Variants in SECTM1 observed in about 807,000 individuals in gnomAD.
SECTM1 encodes secreted and transmembrane 1.
A neutral mutation model predicts 18.1 loss-of-function variants in SECTM1; 10 were observed. That is an observed-to-expected ratio of 0.55 (90% CI 0.34 to 0.94). The LOEUF (loss-of-function observed/expected upper bound fraction) is 0.94, where lower values mean the gene tolerates loss of function less well. SECTM1 is among the 40% of genes least tolerant of loss of function. The pLI is 0.02. For synonymous variants in SECTM1, 137 were observed against 139.2 expected, an observed-to-expected ratio of 0.98 and a Z score of 0.11; for missense variants, 297 against 322.6, an observed-to-expected ratio of 0.92 and a Z score of 0.61.
intron 1 of SECTM1, among the ~76,000 whole-genome samples, chr17:82,332,633 A>G (rs111842471): frequency 2.6e-3 from 388 of 152,004 alleles, no homozygotes; most frequent in African/African-American, 8.4e-3. Context: ...GAGGCCATGG[A>G]CCCCACCCAG....
At position 82,322,277 on chromosome 17, in the gene SECTM1, T is replaced by C; in HGVS notation, c.631A>G (p.Thr211Ala). 1.2e-6 allele frequency: 2 copies of C among 1,610,568 alleles called. No homozygotes were observed. The highest frequency in any genetic ancestry group is 2.2e-5 in the South Asian group (2 of 90,892). The part of the protein sequence containing the change: ...GLSRASAELW[T>A]PDSEPTPRPL... ...CTTGGGGTGGGCTCGGAGTCTGGGG[T>C]CCACAGTTCAGCGGAGGCTCTGCTC... Residue 211 changes from threonine to alanine, a missense_variant, in exon 5 of 5, where the codon ACC becomes GCC. Physicochemically the swap from Thr to Ala is moderately conservative, Grantham distance 58. Coordinates refer to ENST00000269389, the MANE Select transcript of SECTM1 (RefSeq NM_003004.3).
At chr17:82,323,856 CCT>C (rs2052120605) in intron 3 of SECTM1, among the ~76,000 whole-genome samples, 2 of 149,994 alleles carry the variant, frequency 1.3e-5, no homozygotes, top group Admixed American at 1.3e-4. Context: ...GCGAGCATCC[CCT>C]GAGGGCAGGA....
chr17:82,332,223 C>T (rs1365112800), intron 1 of SECTM1, among the ~76,000 whole-genome samples: 2 of 152,238 alleles, frequency 1.3e-5, no homozygotes, highest in Non-Finnish European at 2.9e-5. Flanking sequence ...ACCACGAACA[C>T]AGGGGTCGGT....
At chr17:82,327,108 C>T (rs1335020472) in intron 2 of SECTM1, 39 bp downstream of exon 2, 2 of 1,527,218 alleles carry the variant, frequency 1.3e-6, no homozygotes, top group Non-Finnish European at 1.8e-6. Flanking sequence ...CCACCGGGCC[C>T]CCCTTTCCCC....
chr17:82,331,712 G>A (rs572941991), intron 1 of SECTM1, among the ~76,000 whole-genome samples: 1 of 152,368 alleles, frequency 6.6e-6, no homozygotes, highest in African/African-American at 2.4e-5. Flanking sequence ...TCAGAGAGAG[G>A]GCAGGCGGCA....
At position 82,328,802 on chromosome 17, in the gene SECTM1, G is replaced by C. The variant is rs1057422843; in HGVS notation, c.-52-1510C>G. Among the ~76,000 whole-genome samples, 4 of 152,112 alleles carry C rather than the reference G, an allele frequency of 2.6e-5. No individual in the cohort carries two copies. Among genetic ancestry groups the C allele is most frequent in the African/African-American group, 9.7e-5 (4 of 41,438 alleles). On this transcript the variant is annotated intron_variant, in intron 1 of 4. Coordinates refer to ENST00000269389, the MANE Select transcript of SECTM1 (RefSeq NM_003004.3). The surrounding 1 kb of genome is among the most constrained non-coding windows in gnomAD (Gnocchi z 5.8). ...TCGAAGGCGGCTGGGGCAAGGGTTC[G>C]TGGCCAGGCTGCCCTGCCTCTCGGG...
chr17:82,321,549 G>T lies in SECTM1; in HGVS notation c.*612C>A. 6.5e-6 allele frequency: 1 copy of T among 153,430 alleles called. No individual in the cohort carries two copies. Among genetic ancestry groups the T allele is most frequent in the South Asian group, 1.8e-4 (1 of 5,470 alleles). The allele number at this position is 153,430 out of a possible 1,614,324, so 9.5% of individuals were successfully genotyped here. A position where few individuals can be genotyped will look rare whatever the true frequency, so the allele number is the denominator to read the frequency against. On this transcript the variant is annotated 3_prime_UTR_variant, in exon 5 of 5. Coordinates refer to ENST00000269389, the MANE Select transcript of SECTM1 (RefSeq NM_003004.3). ...GAGGGATGCGCGTCCAGCCCCGGAG[G>T]GCGGCGTCCACCTGACCCCCCAGCC...
Position 82,328,006 on chromosome 17 carries a change from T to TC in SECTM1, c.-52-715dup, listed in dbSNP as rs1389394698. 7.8e-6 allele frequency: 1 copy of TC among 128,738 alleles called. No homozygotes were observed. The highest frequency in any genetic ancestry group is 7.7e-5 in the Admixed American group (1 of 12,930). 8.0% of individuals were successfully genotyped at this position (128,738 alleles called of 1,614,324 possible). A position where few individuals can be genotyped will look rare whatever the true frequency, so the allele number is the denominator to read the frequency against. On this transcript the variant is annotated intron_variant, in intron 1 of 4. Transcript: ENST00000269389. The surrounding 1 kb of genome is among the most constrained non-coding windows in gnomAD (Gnocchi z 5.8). ...CCTGTCCATCAGCCTCCCCGGCCTG[T>TC]CCACCAGCCCCCCCACCACCCTGCC...
intron 3 of SECTM1, among the ~76,000 whole-genome samples, chr17:82,323,610 C>T (rs1459068224): frequency 1.3e-5 from 2 of 150,992 alleles, no homozygotes; most frequent in Non-Finnish European, 3.0e-5. Flanking sequence ...GGTGGGGTGG[C>T]CGCTCAGGGC....
intron 2 of SECTM1, 71 bp from the exon 3 acceptor site, chr17:82,324,961 G>A: frequency 7.0e-7 from 1 of 1,438,670 alleles, no homozygotes; most frequent in Admixed American, 2.0e-5. Flanking sequence ...GCTGTGCCCA[G>A]GGCCAGGGCC....
rs950121773 is a variant in SECTM1 at position 82,326,772 on chromosome 17, C to T, written c.94+375G>A. Among the ~76,000 whole-genome samples, 1 of 152,196 alleles carries T rather than the reference C, an allele frequency of 6.6e-6. No homozygotes were observed. The highest frequency in any genetic ancestry group is 2.4e-5 in the African/African-American group (1 of 41,446). On this transcript the variant is annotated intron_variant, in intron 2 of 4. Coordinates refer to ENST00000269389, the MANE Select transcript of SECTM1 (RefSeq NM_003004.3). The surrounding 1 kb of genome is among the most constrained non-coding windows in gnomAD (Gnocchi z 4.3). ...TGACTAAGGAGCCCCCAGGCCAGGG[C>T]TGCTGTCTGTTCCCGGCCATGGCAC...
intron 2 of SECTM1, 131 bp downstream of exon 2, chr17:82,327,016 G>A (rs1247337946): frequency 1.5e-6 from 1 of 678,128 alleles, no homozygotes; most frequent in Non-Finnish European, 2.6e-6. Context: ...TCAGGCCCTG[G>A]GTCTGCAGAG....
At chr17:82,323,196 G>A in intron 3 of SECTM1, 185 bp from the exon 4 acceptor site, 1 of 640,976 alleles carries the variant, frequency 1.6e-6, no homozygotes, top group Non-Finnish European at 2.7e-6. Flanking sequence ...GGGGGCGCAG[G>A]ACCAGAGGTG....
At chr17:82,324,968 G>A (rs2147267640) in intron 2 of SECTM1, 78 bp from the exon 3 acceptor site, 1 of 1,424,686 alleles carries the variant, frequency 7.0e-7, no homozygotes, top group Middle Eastern at 1.9e-4. Flanking sequence ...CCAGGGCCAG[G>A]GCCAGGGCAG....
At chr17:82,323,161 G>C (rs1253104118) in intron 3 of SECTM1, 150 bp from the exon 4 acceptor site, 2 of 887,608 alleles carry the variant, frequency 2.3e-6, no homozygotes, top group Non-Finnish European at 3.4e-6. Flanking sequence ...AGGAGGTACA[G>C]GGGTGGGAGG....
At position 82,322,180 on chromosome 17, in the gene SECTM1, G is replaced by A. The variant is rs145723287; in HGVS notation, c.728C>T (p.Pro243Leu). The A allele has an allele frequency of 5.3e-3, 8,578 of 1,613,736 alleles. 205 individuals carry two copies. The highest frequency in any genetic ancestry group is 0.046 in the South Asian group (4,181 of 91,072). Residue 243 changes from proline to leucine, a missense_variant, in exon 5 of 5, where the codon CCA becomes CTA. Physicochemically the swap from Pro to Leu is moderately conservative, Grantham distance 98. Transcript: ENST00000269389. ...LELLSPQPLFPYAADP is the reference protein window; with the variant it reads ...LELLSPQPLFLYAADP Reference sequence around the variant, plus strand: ...AGGCGGCTATGGGTCTGCGGCATATGGAAACAAGGGTTGGGGGGACAGCAG... The same window carrying A: ...AGGCGGCTATGGGTCTGCGGCATATAGAAACAAGGGTTGGGGGGACAGCAG...
At chr17:82,333,161 CTCATGTGCGTGTGT>C (rs951433361) in intron 1 of SECTM1, among the ~76,000 whole-genome samples, 3 of 152,248 alleles carry the variant, frequency 2.0e-5, no homozygotes, top group African/African-American at 7.2e-5. Context: ...CCTGCGTGTG[CTCATGTGCGTGTGT>C]CCACCAGCTT....
At position 82,324,725 on chromosome 17, in the gene SECTM1, G is replaced by C. The variant is rs746991844; in HGVS notation, c.260C>G (p.Ser87Cys). Residue 87 changes from serine to cysteine, a missense_variant, in exon 3 of 5, where the codon TCC becomes TGC. Ser to Cys is a moderately radical substitution (Grantham distance 112). Coordinates refer to ENST00000269389, the MANE Select transcript of SECTM1 (RefSeq NM_003004.3). Reference protein sequence around the residue: ...IFNEVAPGYFSRDGWQLQVQG... With the variant: ...IFNEVAPGYFCRDGWQLQVQG... Reference sequence around the variant, plus strand: ...AACCTGGAGCTGCCAGCCGTCCCGGGAGAAGTAGCCTGGAGCCACCTCATT... The same window carrying C: ...AACCTGGAGCTGCCAGCCGTCCCGGCAGAAGTAGCCTGGAGCCACCTCATT... The C allele has an allele frequency of 1.9e-6, 3 of 1,614,170 alleles. No individual in the cohort carries two copies. Among genetic ancestry groups the C allele is most frequent in the Non-Finnish European group, 1.7e-6 (2 of 1,180,028 alleles).
chr17:82,322,444 T>C lies in SECTM1; in HGVS notation c.538-74A>G, dbSNP rs1212135799. ...CCACAGCTCTGCCCTGGGGCGTGCG[T>C]TCACACTCACGGGCATACGTGCTCA... On this transcript the variant is annotated intron_variant, in intron 4 of 4. Coordinates refer to ENST00000269389, the MANE Select transcript of SECTM1 (RefSeq NM_003004.3). 1.8e-5 allele frequency: 26 copies of C among 1,413,368 alleles called. No homozygotes were observed. In the East Asian group the frequency reaches 6.0e-4, roughly 32 times the overall value. The allele number at this position is 1,413,368 out of a possible 1,614,324, so 87.6% of individuals were successfully genotyped here.
Sources: allele counts gnomAD v4.1 joint callset (sites outside exome capture counted in the v4.1 genomes callset), GRCh38; gene constraint gnomAD v4.1.1; non-coding constraint Gnocchi (gnomAD v3.1); transcripts MANE v1.5; gene names NCBI Gene and HGNC (gene_info 2026-07-23, HGNC 2026-07-21).